The following KIF26B variants were observed in gnomAD, a reference collection of about 807,000 sequenced individuals.
The protein encoded by KIF26B is kinesin family member 26B.
Under a neutral mutation model 151.2 loss-of-function variants are expected in KIF26B, and 63 were observed. The observed-to-expected ratio is 0.42, with a 90% CI of 0.34 to 0.51. The LOEUF (loss-of-function observed/expected upper bound fraction) is 0.51, where lower values mean the gene tolerates loss of function less well. Among genes scored for constraint, KIF26B ranks in the 20% least tolerant of loss-of-function variants. The probability of loss-of-function intolerance (pLI) is 0.07; values close to 1 mark genes in which losing one functional copy is unlikely to be tolerated. For missense variants in KIF26B, 2,813 were observed against 2,913.6 expected, an observed-to-expected ratio of 0.97 and a Z score of 0.79; for synonymous variants, 1,357 against 1,262.1, an observed-to-expected ratio of 1.08 and a Z score of -1.59.
chr1:245,577,753 CG>C, intron 5 of KIF26B, among the ~76,000 whole-genome samples: 1 of 139,880 alleles, frequency 7.1e-6, no homozygotes, highest in South Asian at 2.4e-4. Flanking sequence ...ATCTCCTCAC[CG>C]GAAGAGCTTT....
intron 5 of KIF26B, among the ~76,000 whole-genome samples, chr1:245,599,253 A>G (rs1572892): frequency 0.33 from 50,553 of 152,106 alleles, 8,746 homozygotes; most frequent in East Asian, 0.4. Context: ...AAGCAGAAAA[A>G]CTTAATTTCC....
In KIF26B at chr1:245,256,139, G is replaced by A. The variant is rs1314716659; in HGVS notation, c.465+99456G>A. ...ATGCCCTTCTCAGCTGTGTGACTTC[G>A]AACAAGCTATTTGACGTCTCAAGGT... On this transcript the variant is annotated intron_variant, in intron 2 of 14. Coordinates refer to ENST00000407071, the MANE Select transcript of KIF26B (RefSeq NM_018012.4). Among the ~76,000 whole-genome samples, 5 of 152,074 alleles carry A rather than the reference G, an allele frequency of 3.3e-5. No homozygotes were observed. The East Asian group carries it at 7.7e-4, about 24-fold the overall frequency.
At position 245,705,422 on chromosome 1, in the gene KIF26B, T is replaced by A. The variant is rs2044828272; in HGVS notation, c.*2816T>A. 1 of 151,932 alleles carries A rather than the reference T, an allele frequency of 6.6e-6. No individual in the cohort carries two copies. 9.4% of individuals were successfully genotyped at this position (151,932 alleles called of 1,614,324 possible). A position where few individuals can be genotyped will look rare whatever the true frequency, so the allele number is the denominator to read the frequency against. The stretch of plus-strand genomic sequence containing the variant: ...ACTGTATTGATGATGAAGGAAGGAG[T>A]TCCGGCTGACCATTCTGAAGCAGTC... On this transcript the variant is annotated 3_prime_UTR_variant, in exon 15 of 15. Coordinates refer to ENST00000407071, the MANE Select transcript of KIF26B (RefSeq NM_018012.4).
intron 2 of KIF26B, among the ~76,000 whole-genome samples, chr1:245,361,467 C>T (rs1572022960): frequency 2.0e-5 from 3 of 152,216 alleles, no homozygotes; most frequent in Admixed American, 1.3e-4. Context: ...AGCGTGTTCA[C>T]GTGCTCAGCG....
chr1:245,295,962 T>C (rs1275866788), intron 2 of KIF26B, among the ~76,000 whole-genome samples: 5 of 152,196 alleles, frequency 3.3e-5, no homozygotes, highest in Admixed American at 2.0e-4. Context: ...CTTGAACTTA[T>C]GTGGACACTT....
chr1:245,341,856 T>C (rs552453278), intron 2 of KIF26B, among the ~76,000 whole-genome samples: 32 of 152,292 alleles, frequency 2.1e-4, no homozygotes, highest in Non-Finnish European at 3.8e-4. Context: ...AGCTGTGCAG[T>C]GTCTAAGCTC....
chr1:245,389,395 G>A (rs1199584417), intron 3 of KIF26B, among the ~76,000 whole-genome samples: 1 of 151,386 alleles, frequency 6.6e-6, no homozygotes, highest in South Asian at 2.1e-4. Context: ...TTACAGGCGT[G>A]AGCCACCACT....
intron 5 of KIF26B, among the ~76,000 whole-genome samples, chr1:245,569,009 G>A (rs997338397): frequency 2.6e-5 from 4 of 152,134 alleles, no homozygotes; most frequent in Non-Finnish European, 5.9e-5. Context: ...GTTTTGCCCC[G>A]TGCTCACTGG....
At chr1:245,645,201 A>T (rs10924276) in intron 9 of KIF26B, among the ~76,000 whole-genome samples, 15,382 of 151,314 alleles carry the variant, frequency 0.1, 842 homozygotes, top group South Asian at 0.14. Flanking sequence ...GACGCCTGTG[A>T]TTCTCAGTGT....
At position 245,515,826 on chromosome 1, in the gene KIF26B, C is replaced by T. The variant is rs146919915; in HGVS notation, c.1167-24941C>T. ...TGAAAGCCAGTGGCATGGGAGGGCT[C>T]GCTCTGTAACTCGGCTTGTCCCAGG... is the stretch of plus-strand genomic sequence containing the variant. On this transcript the variant is annotated intron_variant, in intron 4 of 14. Coordinates refer to ENST00000407071, the MANE Select transcript of KIF26B (RefSeq NM_018012.4). Among the ~76,000 whole-genome samples the T allele has an allele frequency of 4.1e-3, 622 of 152,200 alleles. 7 individuals are homozygous for T. Among genetic ancestry groups the T allele is most frequent in the African/African-American group, 0.014 (597 of 41,520 alleles).
intron 4 of KIF26B, among the ~76,000 whole-genome samples, chr1:245,474,110 CTTTTT>C (rs35748378): frequency 1.8e-5 from 2 of 111,246 alleles, no homozygotes; most frequent in Admixed American, 1.8e-4. Context: ...ACAGTAGGTC[CTTTTT>C]TTTTTTTTTT....
Position 245,699,089 on chromosome 1 carries a change from A to G in KIF26B, c.6178+52A>G, listed in dbSNP as rs1572214294. 5.1e-6 allele frequency: 8 copies of G among 1,577,352 alleles called. No individual in the cohort carries two copies. In the Admixed American group the frequency reaches 1.2e-4, roughly 23 times the overall value. On this transcript the variant is annotated intron_variant, in intron 14 of 14. Transcript: ENST00000407071. ...TGTGACTAGTGGGTTCACCTGCTCA[A>G]CCGGGCTGGCGTGTAGCCCAGGGTG...
rs973833020 is a variant in KIF26B at position 245,606,326 on chromosome 1, A to G, written c.1558-1325A>G. On this transcript the variant is annotated intron_variant, in intron 6 of 14. Transcript: ENST00000407071. This position sits in a 1 kb window ranked among gnomAD's most constrained non-coding sequence, Gnocchi z 4.6. ...GTTCACTGTGCTGCTGAATAACAACATTCACGGCCCAGGTGCCCACCGGGA... is the reference window on the plus strand; with the variant it reads ...GTTCACTGTGCTGCTGAATAACAACGTTCACGGCCCAGGTGCCCACCGGGA... Among the ~76,000 whole-genome samples, 1 of 152,160 alleles carries G rather than the reference A, an allele frequency of 6.6e-6. No individual in the cohort carries two copies. The highest frequency in any genetic ancestry group is 6.5e-5 in the Admixed American group (1 of 15,282).
At chr1:245,172,438 T>C (rs1417776003) in intron 2 of KIF26B, among the ~76,000 whole-genome samples, 1 of 152,058 alleles carries the variant, frequency 6.6e-6, no homozygotes, top group Non-Finnish European at 1.5e-5. Flanking sequence ...AGGAATCTCA[T>C]AGCTAGAGAC....
chr1:245,301,732 A>T (rs1671432244), intron 2 of KIF26B, among the ~76,000 whole-genome samples: 1 of 152,200 alleles, frequency 6.6e-6, no homozygotes, highest in South Asian at 2.1e-4. Context: ...CGCTAAGTGA[A>T]TCTGGTTCAA....
intron 14 of KIF26B, among the ~76,000 whole-genome samples, chr1:245,700,828 T>C (rs78792559): frequency 6.6e-6 from 1 of 152,212 alleles, no homozygotes; most frequent in Non-Finnish European, 1.5e-5. Flanking sequence ...GCGCGTGACA[T>C]GCGCACGGGG....
intron 4 of KIF26B, among the ~76,000 whole-genome samples, chr1:245,462,313 C>T (rs1242900800): frequency 2.6e-5 from 4 of 152,024 alleles, no homozygotes; most frequent in East Asian, 3.9e-4. Flanking sequence ...GGGATGGCTT[C>T]GAGACATGTG....
intron 4 of KIF26B, among the ~76,000 whole-genome samples, chr1:245,489,450 G>C (rs1660351415): frequency 6.6e-6 from 1 of 152,170 alleles, no homozygotes; most frequent in Non-Finnish European, 1.5e-5. Flanking sequence ...AAGTCTAAGA[G>C]GCGTCAGCCA....
rs1232643776 is a variant in KIF26B at position 245,684,435 on chromosome 1, G to T, written c.2421+40G>T. ...GGGTGGGGGGGTGGTGGATGAGGGA[G>T]CCTTTGGAGCCGTGCCCTGGAACAG... On this transcript the variant is annotated intron_variant, in intron 11 of 14. Coordinates refer to ENST00000407071, the MANE Select transcript of KIF26B (RefSeq NM_018012.4). 4 of 1,533,740 alleles carry T rather than the reference G, an allele frequency of 2.6e-6. No individual in the cohort carries two copies. In the South Asian group the frequency reaches 3.6e-5, roughly 14 times the overall value.
Sources: gnomAD v4.1 joint callset for allele counts (sites outside exome capture counted in the v4.1 genomes callset) on GRCh38, gnomAD v4.1.1 for gene constraint, Gnocchi (gnomAD v3.1) non-coding constraint, MANE v1.5 for transcripts, NCBI Gene and HGNC (gene_info 2026-07-23, HGNC 2026-07-21) for gene names.